Variants in GPLD1 observed in about 807,000 individuals in gnomAD.
The protein encoded by GPLD1 is phosphatidylinositol-glycan-specific phospholipase D.
GPLD1 carries 84 observed loss-of-function variants against 112.6 expected under a neutral mutation model. That is an observed-to-expected ratio of 0.75 (90% confidence interval 0.63 to 0.89). The LOEUF (loss-of-function observed/expected upper bound fraction) is 0.89, where lower values mean the gene tolerates loss of function less well. Among genes scored for constraint, GPLD1 ranks in the 40% least tolerant of loss-of-function variants. The pLI is 0.00. For missense variants in GPLD1, 1,044 were observed against 1,051.5 expected (o/e 0.99, Z 0.10); for synonymous variants, 386 against 403.8 (o/e 0.96, Z 0.53).
intron 1 of GPLD1, among the ~76,000 whole-genome samples, chr6:24,488,750 AG>A (rs1365320047): frequency 6.6e-6 from 1 of 152,210 alleles, no homozygotes; most frequent in African/African-American, 2.4e-5. Flanking sequence ...ACATCAATAA[AG>A]CTAGAAAAAT....
At chr6:24,457,679 G>T (rs987435093) in intron 12 of GPLD1, among the ~76,000 whole-genome samples, 1 of 151,928 alleles carries the variant, frequency 6.6e-6, no homozygotes, top group African/African-American at 2.4e-5. Context: ...TCAGGAGTTC[G>T]AGACCAGCCT....
At chr6:24,435,836 A>AAAAAAAAAAAAGAAAAT (rs1762560895) in intron 22 of GPLD1, 1 of 146,528 alleles carries the variant, frequency 6.8e-6, no homozygotes, top group Non-Finnish European at 1.5e-5. Flanking sequence ...AAAAAAAAAA[A>AAAAAAAAAAAAGAAAAT]AAAAAAAAAA....
intron 22 of GPLD1, among the ~76,000 whole-genome samples, chr6:24,435,283 T>G (rs1368973661): frequency 6.6e-6 from 1 of 152,098 alleles, no homozygotes; most frequent in Non-Finnish European, 1.5e-5. Flanking sequence ...AGTGCTGGGA[T>G]TACAGGCGTG....
At chr6:24,432,217 G>A (rs9467142) in intron 24 of GPLD1, among the ~76,000 whole-genome samples, 8,887 of 146,762 alleles carry the variant, frequency 0.061, 629 homozygotes, top group African/African-American at 0.17. Flanking sequence ...ATTGCACTCC[G>A]GCCTAGGTGA....
chr6:24,445,820 A>G lies in GPLD1; in HGVS notation c.1832T>C (p.Leu611Ser). 6.2e-7 allele frequency: 1 copy of G among 1,612,314 alleles called. No individual in the cohort carries two copies. The highest frequency in any genetic ancestry group is 2.2e-5 in the East Asian group (1 of 44,880). The part of the protein sequence containing the change: ...TWKNASRLGH[L>S]LHIRDEKKSL... ...CTTTTTCTCATCTCGGATGTGTAAC[A>G]AATGGCCCAGCCTAGAATGAAGCAC... is the stretch of plus-strand genomic sequence containing the variant. The change falls in exon 19 of 25, where the codon TTG becomes TCG. Residue 611 changes from leucine to serine, a missense_variant. Coordinates refer to ENST00000230036, the MANE Select transcript of GPLD1 (RefSeq NM_001503.4).
At chr6:24,465,830 A>T (rs904427807) in intron 10 of GPLD1, among the ~76,000 whole-genome samples, 3 of 152,168 alleles carry the variant, frequency 2.0e-5, no homozygotes, top group Non-Finnish European at 4.4e-5. Context: ...ATGTTTTACA[A>T]ATGCATTTAT....
chr6:24,436,952 G>A (rs1012867740), intron 21 of GPLD1, among the ~76,000 whole-genome samples, 161 bp downstream of exon 21: 3 of 152,198 alleles, frequency 2.0e-5, no homozygotes, highest in African/African-American at 7.2e-5. Context: ...TTCAAGAAGT[G>A]CAACTCCCTC....
In GPLD1 at chr6:24,444,910, A is replaced by G. The variant is rs189169322; in HGVS notation, c.2020+636T>C. 3.9e-5 allele frequency among the ~76,000 whole-genome samples: 6 copies of G among 152,080 alleles called. No homozygotes were observed. In the East Asian group the frequency reaches 1.2e-3, roughly 29 times the overall value. The stretch of plus-strand genomic sequence containing the variant: ...TATTCCTAGTGAACTGACTTATACA[A>G]TTTTTCTCTGGCTCCAAGTTCCATG... On this transcript the variant is annotated intron_variant, in intron 20 of 24. Coordinates refer to ENST00000230036, the MANE Select transcript of GPLD1 (RefSeq NM_001503.4).
At chr6:24,433,730 G>A (rs1762482914) in intron 22 of GPLD1, among the ~76,000 whole-genome samples, 1 of 151,668 alleles carries the variant, frequency 6.6e-6, no homozygotes, top group South Asian at 2.1e-4. Flanking sequence ...CCTCACCTCA[G>A]GTGATCCACC....
chr6:24,437,220 A>G lies in GPLD1; in HGVS notation c.2090T>C (p.Leu697Pro), dbSNP rs753270760. The change falls in exon 21 of 25, where the codon CTC becomes CCC. Residue 697 changes from leucine to proline, a missense_variant. Coordinates refer to ENST00000230036, the MANE Select transcript of GPLD1 (RefSeq NM_001503.4). ...CAGCAGAGGCTGCGCGTCAGATGTG[A>G]GTGCGTACATGCGAGTGGCTCCGCC... ...HQGGATRMYA[L>P]TSDAQPLLLS... The G allele has an allele frequency of 6.2e-7, 1 of 1,614,156 alleles. No individual in the cohort carries two copies. The highest frequency in any genetic ancestry group is 1.1e-5 in the South Asian group (1 of 91,090).
chr6:24,449,864 C>G lies in GPLD1; in HGVS notation c.1371G>C (p.Leu457Phe), dbSNP rs1763023843. Reference sequence around the variant, plus strand: ...CAGGCACGCCGTCCACGTTAAAGTCCAACACAGCCAAGGCCGAGCCAAACC... The same window carrying G: ...CAGGCACGCCGTCCACGTTAAAGTCGAACACAGCCAAGGCCGAGCCAAACC... ...SGRFGSALAVLDFNVDGVPDL... is the reference protein window; with the variant it reads ...SGRFGSALAVFDFNVDGVPDL... The change falls in exon 15 of 25, where the codon TTG (leucine) becomes TTC (phenylalanine). Residue 457 changes from leucine to phenylalanine, a missense_variant. Coordinates refer to ENST00000230036, the MANE Select transcript of GPLD1 (RefSeq NM_001503.4). 12 of 1,613,864 alleles carry G rather than the reference C, an allele frequency of 7.4e-6. No homozygotes were observed. The highest frequency in any genetic ancestry group is 1.0e-5 in the Non-Finnish European group (12 of 1,179,970).
chr6:24,424,052 T>C (rs147470875), downstream of GPLD1: 2 of 159,384 alleles, frequency 1.3e-5, no homozygotes, highest in African/African-American at 2.4e-5. Context: ...GACAAGCCCA[T>C]AGGTAGCTAT....
chr6:24,461,570 T>G (rs888290027), intron 11 of GPLD1, among the ~76,000 whole-genome samples: 26 of 151,848 alleles, frequency 1.7e-4, no homozygotes, highest in African/African-American at 6.1e-4. Context: ...GGACGCTCTG[T>G]TGCAAATCCC....
chr6:24,483,284 T>C (rs116551361), intron 2 of GPLD1, among the ~76,000 whole-genome samples: 27,014 of 151,616 alleles, frequency 0.18, 2,786 homozygotes, highest in African/African-American at 0.28. Flanking sequence ...GCTGAGATCA[T>C]GCCACTGCAT....
rs1712379432 is a variant in GPLD1 at position 24,445,528 on chromosome 6, T to G, written c.2020+18A>C. ...CACATGACTGAAAGGAAGCACAGTT[T>G]CACAGTGTGTGACCTACCGTACGTA... On this transcript the variant is annotated intron_variant, in intron 20 of 24. Coordinates refer to ENST00000230036, the MANE Select transcript of GPLD1 (RefSeq NM_001503.4). 6.4e-7 allele frequency: 1 copy of G among 1,567,006 alleles called. No homozygotes were observed. The highest frequency in any genetic ancestry group is 1.4e-5 in the African/African-American group (1 of 74,068).
intron 22 of GPLD1, 63 bp from the exon 23 acceptor site, chr6:24,433,452 A>T (rs1581726858): frequency 8.9e-7 from 1 of 1,119,836 alleles, no homozygotes. Flanking sequence ...TTTAAAATCA[A>T]TTTTAATTAT....
chr6:24,487,853 G>C (rs1465321108), intron 1 of GPLD1, among the ~76,000 whole-genome samples: 1 of 152,144 alleles, frequency 6.6e-6, no homozygotes, highest in Non-Finnish European at 1.5e-5. Context: ...TGTAATTCTA[G>C]GCCAGGCCAC....
At chr6:24,436,860 G>A in intron 21 of GPLD1, 124 bp from the exon 22 acceptor site, 1 of 973,398 alleles carries the variant, frequency 1.0e-6, no homozygotes, top group Non-Finnish European at 1.5e-6. Flanking sequence ...TTAGTCGGCT[G>A]TGATTTCATC....
chr6:24,449,754 C>T (rs2127335380), intron 15 of GPLD1, 35 bp downstream of exon 15: 1 of 1,437,846 alleles, frequency 7.0e-7, no homozygotes, highest in Non-Finnish European at 9.7e-7. Context: ...CCTGCCACCC[C>T]ATTCTCCTCC....
Sources: allele counts gnomAD v4.1 joint callset (sites outside exome capture counted in the v4.1 genomes callset), GRCh38; gene constraint gnomAD v4.1.1; transcripts MANE v1.5; gene names NCBI Gene and HGNC (gene_info 2026-07-23, HGNC 2026-07-21).